The following RBFOX1 variants were observed in gnomAD, a reference collection of about 807,000 sequenced individuals.
RBFOX1 encodes RNA binding protein fox-1 homolog 1.
In RBFOX1, 8 loss-of-function variants were observed where a neutral mutation model predicts 57.7. That is an observed-to-expected ratio of 0.14 (90% CI 0.08 to 0.25). RBFOX1 has a LOEUF of 0.25. RBFOX1 is among the 10% of genes least tolerant of loss of function. The pLI is 1.00. For missense variants in RBFOX1, 611 were observed against 548.5 expected (o/e 1.11, Z -1.14); for synonymous variants, 326 against 222.4 (o/e 1.47, Z -4.15).
chr16:6,478,364 A>C (rs750128127), intron 2 of RBFOX1, among the ~76,000 whole-genome samples: 53 of 131,516 alleles, frequency 4.0e-4, no homozygotes, highest in Admixed American at 1.4e-3. Flanking sequence ...CTGGGATTAC[A>C]GGTACCTGCC....
intron 4 of RBFOX1, among the ~76,000 whole-genome samples, chr16:7,096,623 G>C (rs913858213): frequency 6.6e-6 from 1 of 151,988 alleles, no homozygotes; most frequent in Non-Finnish European, 1.5e-5. Flanking sequence ...TCTAGGAGTG[G>C]ACTTAGCCCC....
intron 2 of RBFOX1, among the ~76,000 whole-genome samples, chr16:6,523,249 GGAAGGAAGAGAA>G (rs369645366): frequency 6.6e-6 from 1 of 151,992 alleles, no homozygotes. Context: ...ACCTGAGGAG[GGAAGGAAGAGAA>G]GAAGGAAGAG....
chr16:6,537,991 C>G (rs868310801), intron 2 of RBFOX1, among the ~76,000 whole-genome samples: 5 of 151,512 alleles, frequency 3.3e-5, no homozygotes, highest in South Asian at 2.1e-4. Flanking sequence ...TTAATTCTAT[C>G]TTTGTTTATA....
intron 1 of RBFOX1, among the ~76,000 whole-genome samples, chr16:5,244,807 C>G (rs535584660): frequency 3.3e-5 from 5 of 152,192 alleles, no homozygotes; most frequent in Non-Finnish European, 5.9e-5. Context: ...AGGAAGAAGA[C>G]ACGGAGCACA....
chr16:7,694,138 G>T (rs1032250972), intron 14 of RBFOX1, among the ~76,000 whole-genome samples: 10 of 152,092 alleles, frequency 6.6e-5, no homozygotes, highest in Admixed American at 1.3e-4. Flanking sequence ...TTTTCCTTTT[G>T]TCGTTTTTAA....
intron 3 of RBFOX1, among the ~76,000 whole-genome samples, chr16:6,890,377 G>C (rs1248305649): frequency 6.6e-6 from 1 of 152,124 alleles, no homozygotes; most frequent in Non-Finnish European, 1.5e-5. Flanking sequence ...AAATTAGCTG[G>C]GCGTGGTGGT....
chr16:5,564,651 C>G (rs2045999662), intron 2 of RBFOX1, among the ~76,000 whole-genome samples: 1 of 152,148 alleles, frequency 6.6e-6, no homozygotes, highest in South Asian at 2.1e-4. Flanking sequence ...ATGAGGGAGA[C>G]TCATACCTAT....
chr16:5,760,927 C>T (rs2053570473), intron 3 of RBFOX1, among the ~76,000 whole-genome samples: 1 of 152,098 alleles, frequency 6.6e-6, no homozygotes. Context: ...GGTTGCACAA[C>T]ATTGTGAGTT....
At chr16:6,240,997 A>G (rs1415042202) in intron 1 of RBFOX1, among the ~76,000 whole-genome samples, 1 of 152,006 alleles carries the variant, frequency 6.6e-6, no homozygotes, top group African/African-American at 2.4e-5. Flanking sequence ...CCTTCTGACC[A>G]CCTCCTCTGA....
chr16:6,781,361 C>T (rs1220519579), intron 3 of RBFOX1, among the ~76,000 whole-genome samples: 1 of 152,028 alleles, frequency 6.6e-6, no homozygotes, highest in Non-Finnish European at 1.5e-5. Flanking sequence ...CATTCATGTT[C>T]ATCAGATATA....
chr16:6,802,141 C>T (rs764950143), intron 3 of RBFOX1, among the ~76,000 whole-genome samples: 7 of 151,632 alleles, frequency 4.6e-5, no homozygotes, highest in Admixed American at 1.3e-4. Flanking sequence ...GGATTTAAGC[C>T]CCAGGAAAGG....
chr16:7,710,581 G>C lies in RBFOX1; in HGVS notation c.1072-42G>C, dbSNP rs202021554. The C allele has an allele frequency of 3.1e-5, 50 of 1,607,498 alleles. No homozygotes were observed. In the East Asian group the frequency reaches 1.0e-3, roughly 32 times the overall value. ...TTTTGATGATCCACATGTTGCAAAA[G>C]GAAAATGTAAAAAACACACCCCTCA... On this transcript the variant is annotated intron_variant, in intron 15 of 15. Coordinates refer to ENST00000550418, the MANE Select transcript of RBFOX1 (RefSeq NM_018723.4).
chr16:7,028,657 C>G (rs1295658040), intron 3 of RBFOX1, among the ~76,000 whole-genome samples: 1 of 145,332 alleles, frequency 6.9e-6, no homozygotes, highest in Non-Finnish European at 1.5e-5. Context: ...ATCATTGTGA[C>G]TTCTATTTGT....
At chr16:7,693,416 C>CA in intron 14 of RBFOX1, 1 of 782,666 alleles carries the variant, frequency 1.3e-6, no homozygotes, top group Non-Finnish European at 1.8e-6. Context: ...TCTCAGTATC[C>CA]TTTTTTTTTT....
intron 2 of RBFOX1, among the ~76,000 whole-genome samples, chr16:6,356,021 T>C (rs2087255604): frequency 6.6e-6 from 1 of 152,210 alleles, no homozygotes; most frequent in Non-Finnish European, 1.5e-5. Flanking sequence ...CATTAGATTA[T>C]GACCCAAAGT....
intron 1 of RBFOX1, among the ~76,000 whole-genome samples, chr16:6,095,723 G>A (rs2152542187): frequency 6.6e-6 from 1 of 151,242 alleles, no homozygotes; most frequent in South Asian, 2.1e-4. Context: ...AAAAAAAAAA[G>A]ACATGGAGTT....
chr16:6,764,724 G>A (rs1294273484), intron 3 of RBFOX1, among the ~76,000 whole-genome samples: 2 of 152,120 alleles, frequency 1.3e-5, no homozygotes, highest in Non-Finnish European at 2.9e-5. Flanking sequence ...GTCACTTGAG[G>A]TCAGGTGTAC....
chr16:6,752,484 C>T (rs541292964), intron 3 of RBFOX1, among the ~76,000 whole-genome samples: 1 of 152,150 alleles, frequency 6.6e-6, no homozygotes, highest in Non-Finnish European at 1.5e-5. Flanking sequence ...TGTCGCTGGA[C>T]CTTGCTATGT....
rs116663316 is a variant in RBFOX1, at chr16:6,550,616, G to A, written c.-63-103987G>A. 9.1e-3 allele frequency among the ~76,000 whole-genome samples: 1,379 copies of A among 152,298 alleles called. 28 individuals carry two copies. Among genetic ancestry groups the A allele is most frequent in the African/African-American group, 0.031 (1,308 of 41,558 alleles). ...GCTGGGATTACAGGCATGTGCCACT[G>A]TGCCCAGCCTTCATGGCACACTTCT... is the stretch of plus-strand genomic sequence containing the variant. On this transcript the variant is annotated intron_variant, in intron 2 of 15. Coordinates refer to ENST00000550418, the MANE Select transcript of RBFOX1 (RefSeq NM_018723.4).
Sources: allele counts gnomAD v4.1 joint callset (sites outside exome capture counted in the v4.1 genomes callset), GRCh38; gene constraint gnomAD v4.1.1; transcripts MANE v1.5; gene names NCBI Gene and HGNC (gene_info 2026-07-23, HGNC 2026-07-21).